CRABP1: variants seen among roughly 807,000 people sequenced by gnomAD.
CRABP1 encodes cellular retinoic acid-binding protein 1.
A neutral mutation model predicts 16.4 loss-of-function variants in CRABP1; 9 were observed. The ratio of observed to expected loss-of-function variants is 0.55; its 90% CI spans 0.33 to 0.96. The LOEUF (loss-of-function observed/expected upper bound fraction) is 0.96, where lower values mean the gene tolerates loss of function less well. Ranked by LOEUF, CRABP1 falls within the 40% of genes least tolerant of loss-of-function variation. The probability of loss-of-function intolerance (pLI) is 0.03; values close to 1 mark genes in which losing one functional copy is unlikely to be tolerated. For missense variants in CRABP1, 157 were observed against 186.0 expected (o/e 0.84, Z 0.91); for synonymous variants, 72 against 70.4 (o/e 1.02, Z -0.11).
chr15:78,344,583 T>C (rs1233587518), intron 3 of CRABP1, among the ~76,000 whole-genome samples: 1 of 151,732 alleles, frequency 6.6e-6, no homozygotes, highest in Non-Finnish European at 1.5e-5. Flanking sequence ...TTTTTTTAGG[T>C]AGAGAACAAA....
chr15:78,340,631 T>C, intron 1 of CRABP1, 133 bp downstream of exon 1: 1 of 975,268 alleles, frequency 1.0e-6, no homozygotes, highest in Non-Finnish European at 1.5e-6. Context: ...GGGCAATAGA[T>C]CGCCTTGTCT....
chr15:78,345,523 T>C (rs1189490678), intron 3 of CRABP1, among the ~76,000 whole-genome samples: 1 of 152,174 alleles, frequency 6.6e-6, no homozygotes, highest in Admixed American at 6.5e-5. Context: ...GAGATGATTT[T>C]AGAGTTTTAG....
intron 3 of CRABP1, among the ~76,000 whole-genome samples, chr15:78,344,684 CT>C (rs2141527773): frequency 6.8e-6 from 1 of 147,516 alleles, no homozygotes; most frequent in South Asian, 2.1e-4. Context: ...AATCCCAGCA[CT>C]TTGGGAGGCT....
At chr15:78,346,123 G>A (rs1461312727) in intron 3 of CRABP1, among the ~76,000 whole-genome samples, 1 of 152,154 alleles carries the variant, frequency 6.6e-6, no homozygotes, top group Non-Finnish European at 1.5e-5. Flanking sequence ...TTTCTCCAGG[G>A]TACAGCGTTC....
At chr15:78,345,844 C>T (rs1251143252) in intron 3 of CRABP1, among the ~76,000 whole-genome samples, 2 of 152,202 alleles carry the variant, frequency 1.3e-5, no homozygotes, top group Non-Finnish European at 2.9e-5. Flanking sequence ...CTCTATATAA[C>T]AAGAGGCAAT....
intron 3 of CRABP1, 33 bp from the exon 4 acceptor site, chr15:78,347,894 A>G (rs1372391740): frequency 6.2e-7 from 1 of 1,612,514 alleles, no homozygotes; most frequent in East Asian, 2.2e-5. Flanking sequence ...AGGCATCTGC[A>G]CTGATTGGTT....
chr15:78,341,302 T>C lies in CRABP1; in HGVS notation c.249+81T>C, dbSNP rs555149968. 171 of 1,498,650 alleles carry C rather than the reference T, an allele frequency of 1.1e-4. No homozygotes were observed. The East Asian group carries it at 4.1e-3, about 36-fold the overall frequency. 92.8% of individuals were successfully genotyped at this position (1,498,650 alleles called of 1,614,324 possible). A position where few individuals can be genotyped will look rare whatever the true frequency, so the allele number is the denominator to read the frequency against. ...CACTGCTGCTGGAGGAACCTGTGTC[T>C]CCCTTTGCAGCCTGTGGCGCGCCTT... On this transcript the variant is annotated intron_variant, in intron 2 of 3. Coordinates refer to ENST00000299529, the MANE Select transcript of CRABP1 (RefSeq NM_004378.3). This position sits in a 1 kb window ranked among gnomAD's most constrained non-coding sequence, Gnocchi z 5.3.
At position 78,341,869 on chromosome 15, in the gene CRABP1, G is replaced by A. The variant is rs2050237444; in HGVS notation, c.249+648G>A. 1 of 153,704 alleles carries A rather than the reference G, an allele frequency of 6.5e-6. No individual in the cohort carries two copies. Among genetic ancestry groups the A allele is most frequent in the Admixed American group, 6.4e-5 (1 of 15,530 alleles). 9.5% of individuals were successfully genotyped at this position (153,704 alleles called of 1,614,324 possible). Reference sequence around the variant, plus strand: ...GCATCGGCCCAGGGATGAACCGGTGGATTGAAGCAAGGGGTTGTACATTCG... The same window carrying A: ...GCATCGGCCCAGGGATGAACCGGTGAATTGAAGCAAGGGGTTGTACATTCG... On this transcript the variant is annotated intron_variant, in intron 2 of 3. Coordinates refer to ENST00000299529, the MANE Select transcript of CRABP1 (RefSeq NM_004378.3). The surrounding 1 kb of genome is among the most constrained non-coding windows in gnomAD (Gnocchi z 5.3).
In CRABP1 at chr15:78,340,400, C is replaced by A; in HGVS notation, c.-29C>A. 1 of 1,572,438 alleles carries A rather than the reference C, an allele frequency of 6.4e-7. No individual in the cohort carries two copies. Among genetic ancestry groups the A allele is most frequent in the South Asian group, 1.2e-5 (1 of 85,824 alleles). On this transcript the variant is annotated 5_prime_UTR_variant, in exon 1 of 4. Coordinates refer to ENST00000299529, the MANE Select transcript of CRABP1 (RefSeq NM_004378.3). Reference sequence around the variant, plus strand: ...AGTGTGCCCGCTGCGCCGCCGCTGTCCGTACCTGCCGCCGCCGCCACCGCC... The same window carrying A: ...AGTGTGCCCGCTGCGCCGCCGCTGTACGTACCTGCCGCCGCCGCCACCGCC...
rs773488561 is a variant in CRABP1, at chr15:78,341,350, C to T, written c.249+129C>T. 1.3e-5 allele frequency: 14 copies of T among 1,059,456 alleles called. No individual in the cohort carries two copies. In the South Asian group the frequency reaches 1.5e-4, roughly 11 times the overall value. 65.6% of individuals were successfully genotyped at this position (1,059,456 alleles called of 1,614,324 possible). The stretch of plus-strand genomic sequence containing the variant: ...CTTCCTTGCAGGGTGTGTACACTGG[C>T]TGTTTGCAGAGGGGGTTTGTGCATC... On this transcript the variant is annotated intron_variant, in intron 2 of 3. Transcript: ENST00000299529. The surrounding 1 kb of genome is among the most constrained non-coding windows in gnomAD (Gnocchi z 5.3).
rs1021042693 is a variant in CRABP1 at position 78,341,746 on chromosome 15, C to T, written c.249+525C>T. 5.7e-6 allele frequency: 1 copy of T among 175,484 alleles called. No individual in the cohort carries two copies. The highest frequency in any genetic ancestry group is 2.4e-5 in the African/African-American group (1 of 41,862). 10.9% of individuals were successfully genotyped at this position (175,484 alleles called of 1,614,324 possible). On this transcript the variant is annotated intron_variant, in intron 2 of 3. Coordinates refer to ENST00000299529, the MANE Select transcript of CRABP1 (RefSeq NM_004378.3). The surrounding 1 kb of genome is among the most constrained non-coding windows in gnomAD (Gnocchi z 5.3). Reference sequence around the variant, plus strand: ...TCGGCCTGGTTCCTTAAAGGAACGGCGGAGTCTTTCCAAAAGCAAGGCAGG... The same window carrying T: ...TCGGCCTGGTTCCTTAAAGGAACGGTGGAGTCTTTCCAAAAGCAAGGCAGG...
intron 2 of CRABP1, among the ~76,000 whole-genome samples, chr15:78,343,101 C>T (rs1312501730): frequency 1.3e-5 from 2 of 151,302 alleles, no homozygotes; most frequent in Non-Finnish European, 2.9e-5. Flanking sequence ...GGCAACAGAG[C>T]GAGACTCCAT....
intron 2 of CRABP1, among the ~76,000 whole-genome samples, 190 bp from the exon 3 acceptor site, chr15:78,343,309 A>G (rs2050245724): frequency 6.6e-6 from 1 of 151,986 alleles, no homozygotes; most frequent in Non-Finnish European, 1.5e-5. Flanking sequence ...GTGTATTTAT[A>G]CCCCATAAAA....
At chr15:78,343,970 G>C (rs537237224) in intron 3 of CRABP1, among the ~76,000 whole-genome samples, 101 of 152,280 alleles carry the variant, frequency 6.6e-4, no homozygotes, top group African/African-American at 2.3e-3. Context: ...CATGGCAGAA[G>C]GGATTTTTTT....
At position 78,341,139 on chromosome 15, in the gene CRABP1, C is replaced by G. The variant is rs758370990; in HGVS notation, c.167C>G (p.Ser56Cys). Residue 56 changes from serine (S) to cysteine (C), a missense_variant, in exon 2 of 4, where the codon TCC becomes TGC. Physicochemically the swap from Ser to Cys is moderately radical, Grantham distance 112. Transcript: ENST00000299529. The surrounding 1 kb of genome is among the most constrained non-coding windows in gnomAD (Gnocchi z 5.3). ...QDGDQFYIKTSTTVRTTEINF... is the reference protein window; with the variant it reads ...QDGDQFYIKTCTTVRTTEINF... ...GGGGATCAGTTCTACATCAAGACAT[C>G]CACCACGGTGCGCACCACTGAGATC... is the stretch of plus-strand genomic sequence containing the variant. 1.9e-6 allele frequency: 3 copies of G among 1,613,002 alleles called. No individual in the cohort carries two copies. The highest frequency in any genetic ancestry group is 3.3e-5 in the Admixed American group (2 of 59,856).
At chr15:78,345,367 G>C (rs2050259505) in intron 3 of CRABP1, among the ~76,000 whole-genome samples, 1 of 152,174 alleles carries the variant, frequency 6.6e-6, no homozygotes, top group Non-Finnish European at 1.5e-5. Context: ...CTTTCACAGA[G>C]AAAGGACTGG....
At chr15:78,342,320 G>A (rs983107265) in intron 2 of CRABP1, among the ~76,000 whole-genome samples, 15 of 152,082 alleles carry the variant, frequency 9.9e-5, no homozygotes, top group Admixed American at 9.8e-4. Flanking sequence ...GCAATAGGCA[G>A]GGCTCAGTCT....
Position 78,341,594 on chromosome 15 carries a change from A to G in CRABP1, c.249+373A>G. On this transcript the variant is annotated intron_variant, in intron 2 of 3. Coordinates refer to ENST00000299529, the MANE Select transcript of CRABP1 (RefSeq NM_004378.3). This position sits in a 1 kb window ranked among gnomAD's most constrained non-coding sequence, Gnocchi z 5.3. ...CCGCCAGGTTCTCTGTCGCAGGTGA[A>G]GCCGCAGCTCTTGCATTCCTTTCCC... The G allele has an allele frequency of 3.3e-6, 1 of 300,598 alleles. No individual in the cohort carries two copies. Among genetic ancestry groups the G allele is most frequent in the South Asian group, 3.0e-5 (1 of 33,338 alleles). The allele number at this position is 300,598 out of a possible 1,614,324, so 18.6% of individuals were successfully genotyped here.
chr15:78,342,191 T>C (rs2050239264), intron 2 of CRABP1, among the ~76,000 whole-genome samples: 1 of 152,058 alleles, frequency 6.6e-6, no homozygotes, highest in African/African-American at 2.4e-5. Flanking sequence ...AGAATTGTCA[T>C]AGCCTGGAAA....
Sources: gnomAD v4.1 joint callset for allele counts (sites outside exome capture counted in the v4.1 genomes callset) on GRCh38, gnomAD v4.1.1 for gene constraint, Gnocchi (gnomAD v3.1) non-coding constraint, MANE v1.5 for transcripts, NCBI Gene and HGNC (gene_info 2026-07-23, HGNC 2026-07-21) for gene names.